Variants in DYM observed in about 807,000 individuals in gnomAD.
DYM encodes dyggve-Melchior-Clausen syndrome protein.
DYM carries 78 observed loss-of-function variants against 93.1 expected under a neutral mutation model. The observed-to-expected ratio is 0.84, with a 90% CI of 0.70 to 1.01. The LOEUF (loss-of-function observed/expected upper bound fraction) is 1.01, where lower values mean the gene tolerates loss of function less well. DYM is among the 50% of genes least tolerant of loss of function. DYM has a pLI of 0.00. For synonymous variants in DYM, 321 were observed against 319.7 expected, an observed-to-expected ratio of 1.00 and a Z score of -0.04; for missense variants, 789 against 845.0, an observed-to-expected ratio of 0.93 and a Z score of 0.82.
chr18:49,142,020 ATTTT>A (rs77837968), intron 15 of DYM, among the ~76,000 whole-genome samples: 135 of 139,570 alleles, frequency 9.7e-4, no homozygotes, highest in African/African-American at 3.4e-3. Context: ...CGCCCGGCTA[ATTTT>A]TTTTTTTTTT....
chr18:49,112,088 A>G lies in DYM; in HGVS notation c.1911+6656T>C, dbSNP rs1486788816. Among the ~76,000 whole-genome samples, 3 of 136,446 alleles carry G rather than the reference A, an allele frequency of 2.2e-5. No individual in the cohort carries two copies. In the East Asian group the frequency reaches 6.8e-4, roughly 31 times the overall value. The allele number at this position is 136,446 out of a possible 152,430, so 89.5% of individuals were successfully genotyped here. A position where few individuals can be genotyped will look rare whatever the true frequency, so the allele number is the denominator to read the frequency against. On this transcript the variant is annotated intron_variant, in intron 16 of 17. Transcript: ENST00000675505. Reference sequence around the variant, plus strand: ...CTCTACCTATGCCCCGAGGGCAACAAGGTTTGGTGCCTGCCTCTGCACCCG... The same window carrying G: ...CTCTACCTATGCCCCGAGGGCAACAGGGTTTGGTGCCTGCCTCTGCACCCG...
chr18:49,151,387 T>A (rs978098587), intron 15 of DYM, among the ~76,000 whole-genome samples: 1 of 152,180 alleles, frequency 6.6e-6, no homozygotes, highest in Non-Finnish European at 1.5e-5. Context: ...AAGGAAAGGG[T>A]TGAATTTCCA....
chr18:49,039,738 T>G lies in DYM; in HGVS notation c.*4317A>C, dbSNP rs1019560700. Among the ~76,000 whole-genome samples the G allele has an allele frequency of 6.6e-6, 1 of 152,204 alleles. No individual in the cohort carries two copies. The highest frequency in any genetic ancestry group is 1.5e-5 in the Non-Finnish European group (1 of 68,034). On this transcript the variant is annotated 3_prime_UTR_variant, in exon 18 of 18. Coordinates refer to ENST00000675505, the MANE Select transcript of DYM (RefSeq NM_001353214.3). ...AGTACTTTAGTTATAGAATTTCCAA[T>G]GCGCCTTTTACAGTTTCTAACTCTC... is the stretch of plus-strand genomic sequence containing the variant.
rs552898471 is a variant in DYM, at chr18:49,329,201, G to A, written c.763+2663C>T. Among the ~76,000 whole-genome samples the A allele has an allele frequency of 1.0e-3, 149 of 147,890 alleles. No homozygotes were observed. In the South Asian group the frequency reaches 0.018, roughly 18 times the overall value. On this transcript the variant is annotated intron_variant, in intron 8 of 17. Transcript: ENST00000675505. ...TTGCAAGGACAGAAAACCAAACACC[G>A]CATGTTCTCACTCATAGCTGGGAAC... is the stretch of plus-strand genomic sequence containing the variant.
intron 16 of DYM, among the ~76,000 whole-genome samples, chr18:49,105,340 G>A (rs1398863899): frequency 2.0e-5 from 3 of 151,932 alleles, no homozygotes; most frequent in Non-Finnish European, 4.4e-5. Context: ...CAATTTTGTT[G>A]ATCTTTTCAA....
At chr18:49,104,486 G>T (rs1366357008) in intron 16 of DYM, among the ~76,000 whole-genome samples, 1 of 152,170 alleles carries the variant, frequency 6.6e-6, no homozygotes, top group Non-Finnish European at 1.5e-5. Context: ...TCCCTGTCGT[G>T]TGCCAGTTTT....
chr18:49,385,619 C>G lies in DYM; in HGVS notation c.194-5861G>C, dbSNP rs970485179. ...CTGAGACAGGAGAATTGCTTGAACC[C>G]AGGAGGTGGAGGTTGCAGTGAGTGG... On this transcript the variant is annotated intron_variant, in intron 3 of 17. Transcript: ENST00000675505. Among the ~76,000 whole-genome samples, 3 of 151,886 alleles carry G rather than the reference C, an allele frequency of 2.0e-5. 1 individual carries two copies. Among genetic ancestry groups the G allele is most frequent in the Non-Finnish European group, 4.4e-5 (3 of 67,970 alleles).
chr18:49,154,741 A>C (rs1402885731), intron 15 of DYM, among the ~76,000 whole-genome samples: 1 of 152,158 alleles, frequency 6.6e-6, no homozygotes, highest in East Asian at 1.9e-4. Flanking sequence ...ATCTTAATGG[A>C]GGAATGGAGG....
chr18:49,054,805 G>C (rs947304411), intron 17 of DYM, among the ~76,000 whole-genome samples: 2 of 152,208 alleles, frequency 1.3e-5, no homozygotes, highest in Non-Finnish European at 1.5e-5. Context: ...TTTCACCACT[G>C]TGGAGTGTCC....
chr18:49,169,027 G>A (rs1332860462), intron 14 of DYM, among the ~76,000 whole-genome samples: 6 of 152,182 alleles, frequency 3.9e-5, no homozygotes, highest in Non-Finnish European at 8.8e-5. Flanking sequence ...AGGCCACATG[G>A]ACCATGCTAA....
intron 12 of DYM, 74 bp from the exon 13 acceptor site, chr18:49,257,178 G>T: frequency 5.2e-6 from 6 of 1,155,552 alleles, no homozygotes; most frequent in Non-Finnish European, 7.8e-6. Flanking sequence ...ACTATTAATA[G>T]AAGCAAATGT....
At chr18:49,378,539 C>G in intron 5 of DYM, 28 bp downstream of exon 5, 1 of 1,588,496 alleles carries the variant, frequency 6.3e-7, no homozygotes, top group South Asian at 1.1e-5. Flanking sequence ...CATGATATAT[C>G]CAGAACATCT....
intron 6 of DYM, among the ~76,000 whole-genome samples, chr18:49,347,102 A>G (rs1483657097): frequency 2.0e-5 from 3 of 152,212 alleles, no homozygotes; most frequent in Non-Finnish European, 4.4e-5. Flanking sequence ...CTTGAAGTAC[A>G]GTTTCTACTG....
chr18:49,142,130 G>C (rs1025714043), intron 15 of DYM, among the ~76,000 whole-genome samples: 2 of 151,798 alleles, frequency 1.3e-5, no homozygotes, highest in Non-Finnish European at 2.9e-5. Flanking sequence ...CAAAGTGCTG[G>C]GATTACAGGT....
intron 2 of DYM, among the ~76,000 whole-genome samples, chr18:49,407,437 G>C (rs747515780): frequency 1.8e-4 from 27 of 152,216 alleles, no homozygotes; most frequent in Non-Finnish European, 3.2e-4. Flanking sequence ...TGTATAAGAA[G>C]CATGGTGTTA....
At chr18:49,326,463 T>C (rs1599442817) in intron 8 of DYM, among the ~76,000 whole-genome samples, 1 of 151,632 alleles carries the variant, frequency 6.6e-6, no homozygotes, top group Non-Finnish European at 1.5e-5. Flanking sequence ...ACTTGACACA[T>C]TTGAAAAGCT....
intron 8 of DYM, among the ~76,000 whole-genome samples, chr18:49,291,354 C>T (rs918699956): frequency 6.6e-6 from 1 of 152,116 alleles, no homozygotes; most frequent in Non-Finnish European, 1.5e-5. Context: ...TTACTGAACA[C>T]ACAAAATAAA....
At position 49,042,002 on chromosome 18, in the gene DYM, G is replaced by C. The variant is rs1203465636; in HGVS notation, c.*2053C>G. The C allele has an allele frequency of 6.6e-6, 1 of 152,220 alleles. No individual in the cohort carries two copies. Among genetic ancestry groups the C allele is most frequent in the African/African-American group, 2.4e-5 (1 of 41,454 alleles). 9.4% of individuals were successfully genotyped at this position (152,220 alleles called of 1,614,324 possible). A position where few individuals can be genotyped will look rare whatever the true frequency, so the allele number is the denominator to read the frequency against. ...ACAATTTTTTGGTTTAAAGGAAAAG[G>C]AAGCCAATCAAAATGCTTTGGAAAC... is the stretch of plus-strand genomic sequence containing the variant. On this transcript the variant is annotated 3_prime_UTR_variant, in exon 18 of 18. Transcript: ENST00000675505.
At chr18:49,220,895 G>A (rs371361942) in intron 13 of DYM, among the ~76,000 whole-genome samples, 3 of 152,050 alleles carry the variant, frequency 2.0e-5, no homozygotes, top group Admixed American at 6.6e-5. Context: ...AAAAGCCAAA[G>A]TTGACAAATG....
Sources: allele counts gnomAD v4.1 joint callset (sites outside exome capture counted in the v4.1 genomes callset), GRCh38; gene constraint gnomAD v4.1.1; transcripts MANE v1.5; gene names NCBI Gene and HGNC (gene_info 2026-07-23, HGNC 2026-07-21).